YTHDC1: variants seen among roughly 807,000 people sequenced by gnomAD.
YTHDC1 encodes the protein YTH domain-containing protein 1.
Under a neutral mutation model 107.0 loss-of-function variants are expected in YTHDC1, and 12 were observed. That is an observed-to-expected ratio of 0.11 (90% CI 0.07 to 0.18). The LOEUF (loss-of-function observed/expected upper bound fraction) is 0.18, where lower values mean the gene tolerates loss of function less well. Among genes scored for constraint, YTHDC1 ranks in the 10% least tolerant of loss-of-function variants. YTHDC1 has a pLI of 1.00. For synonymous variants in YTHDC1, 280 were observed against 289.5 expected, an observed-to-expected ratio of 0.97 and a Z score of 0.33; for missense variants, 635 against 898.8, an observed-to-expected ratio of 0.71 and a Z score of 3.75.
At chr4:68,327,542 A>G (rs1426414557) in intron 9 of YTHDC1, among the ~76,000 whole-genome samples, 1 of 152,202 alleles carries the variant, frequency 6.6e-6, no homozygotes, top group East Asian at 1.9e-4. Flanking sequence ...TCTGCATTTT[A>G]ACAGTCAGAT....
In YTHDC1 at chr4:68,327,952, C is replaced by T. The variant is rs759512227; in HGVS notation, c.1349+2050G>A. 1.4e-4 allele frequency among the ~76,000 whole-genome samples: 22 copies of T among 152,074 alleles called. 1 individual carries two copies. The highest frequency in any genetic ancestry group is 2.6e-4 in the Non-Finnish European group (18 of 68,006). On this transcript the variant is annotated intron_variant, in intron 9 of 16. Coordinates refer to ENST00000344157, the MANE Select transcript of YTHDC1 (RefSeq NM_001031732.4). ...ATTTCTAGGTAAACCCATAAACTTA[C>T]TTTAAAATAATAAAAGCACTTTACT...
chr4:68,327,080 T>C (rs56283078), intron 9 of YTHDC1, among the ~76,000 whole-genome samples: 34,497 of 150,432 alleles, frequency 0.23, 4,565 homozygotes, highest in East Asian at 0.55. Context: ...CTACTAAAAA[T>C]AAAAAATTAG....
At chr4:68,318,476 G>A in intron 15 of YTHDC1, 43 bp downstream of exon 15, 1 of 1,527,280 alleles carries the variant, frequency 6.5e-7, no homozygotes, top group Non-Finnish European at 8.9e-7. Context: ...TACTAGAACT[G>A]CAAATTAAGT....
intron 4 of YTHDC1, among the ~76,000 whole-genome samples, chr4:68,335,436 T>C (rs1382747590): frequency 6.6e-6 from 1 of 152,138 alleles, no homozygotes; most frequent in Non-Finnish European, 1.5e-5. Flanking sequence ...AGATTTATTA[T>C]AAAACTACAG....
Position 68,314,156 on chromosome 4 carries a change from T to C in YTHDC1, c.2127A>G (p.Arg709=). ...CTCTGTCTCGATCACATAATCGCTCTCTTTCTCTTTCTCTATCACGTCCTC... is the reference window on the plus strand; with the variant it reads ...CTCTGTCTCGATCACATAATCGCTCCCTTTCTCTTTCTCTATCACGTCCTC... ...RDRGRDRERE[R]ERLCDRDRDR... is the part of the protein sequence containing the mutation. The change falls in exon 17 of 17, where the codon AGA becomes AGG. Residue 709 remains arginine, a synonymous_variant. Transcript: ENST00000344157. The C allele has an allele frequency of 6.2e-7, 1 of 1,613,880 alleles. No individual in the cohort carries two copies. Among genetic ancestry groups the C allele is most frequent in the Non-Finnish European group, 8.5e-7 (1 of 1,179,894 alleles).
At chr4:68,334,524 G>T (rs570315334) in intron 4 of YTHDC1, among the ~76,000 whole-genome samples, 73 of 152,214 alleles carry the variant, frequency 4.8e-4, no homozygotes, top group Non-Finnish European at 9.0e-4. Flanking sequence ...AAGTAGAAAG[G>T]ATGTTTTATA....
At position 68,330,097 on chromosome 4, in the gene YTHDC1, T is replaced by C. The variant is rs1723414037; in HGVS notation, c.1254A>G (p.Glu418=). 1 of 1,613,434 alleles carries C rather than the reference T, an allele frequency of 6.2e-7. No homozygotes were observed. The highest frequency in any genetic ancestry group is 8.5e-7 in the Non-Finnish European group (1 of 1,179,568). The change falls in exon 9 of 17, where the codon GAA becomes GAG. Residue 418 remains glutamate (E), a synonymous_variant. Coordinates refer to ENST00000344157, the MANE Select transcript of YTHDC1 (RefSeq NM_001031732.4). ...GTATAGGAGATCCTCCGTGATGTGA[T>C]TCTGAAGAAAGTCTTGCAAACCCTA... The part of the protein sequence containing the change: ...KFQGFARLSS[E]SHHGGSPIHW...
At chr4:68,331,790 A>G (rs192612747) in intron 7 of YTHDC1, among the ~76,000 whole-genome samples, 62 of 152,248 alleles carry the variant, frequency 4.1e-4, no homozygotes, top group African/African-American at 1.4e-3. Flanking sequence ...GTGTTAGCAC[A>G]ATAAATGAGC....
intron 1 of YTHDC1, among the ~76,000 whole-genome samples, chr4:68,345,582 T>A (rs1367213202): frequency 1.6e-5 from 1 of 61,576 alleles, no homozygotes; most frequent in South Asian, 8.8e-4. Context: ...GGATTTCCCA[T>A]CCAAAACCGC....
Position 68,318,705 on chromosome 4 carries a change from A to G in YTHDC1, c.1746T>C (p.Asp582=), listed in dbSNP as rs749805145. The change falls in exon 14 of 17, where the codon GAT becomes GAC. Residue 582 remains aspartate, a synonymous_variant. Transcript: ENST00000344157. The stretch of plus-strand genomic sequence containing the variant: ...AAATGCTTACCCCATTTAAAAACAC[A>G]TCTCGGCGAACTCCTGAAAATCGTC... ...VDRRFSGVRR[D]VFLNGSYNDY... is the part of the protein sequence containing the mutation. The G allele has an allele frequency of 1.2e-6, 2 of 1,614,106 alleles. No individual in the cohort carries two copies. Among genetic ancestry groups the G allele is most frequent in the Non-Finnish European group, 1.7e-6 (2 of 1,179,994 alleles).
intron 1 of YTHDC1, among the ~76,000 whole-genome samples, chr4:68,346,100 T>TATATATATATATATACAC (rs144743953): frequency 6.0e-5 from 8 of 134,134 alleles, no homozygotes; most frequent in Admixed American, 3.0e-4. Context: ...TATATATATA[T>TATATATATATATATACAC]ACACACACAC....
intron 1 of YTHDC1, among the ~76,000 whole-genome samples, chr4:68,349,505 A>T (rs1044623190): frequency 6.6e-6 from 1 of 151,640 alleles, no homozygotes; most frequent in African/African-American, 2.4e-5. Context: ...TCAAAGAAAA[A>T]CCCTACTGAG....
rs186920853 is a variant in YTHDC1, at chr4:68,337,583, C to T, written c.448G>A (p.Asp150Asn). 4.8e-4 allele frequency: 771 copies of T among 1,607,304 alleles called. 5 individuals are homozygous for T. The Admixed American group carries it at 8.6e-3, about 18-fold the overall frequency. ...ATAATATTTACTACCTCAGAACCAT[C>T]TGGCGTAGGAGATTTGGCCCTCCTT... is the stretch of plus-strand genomic sequence containing the variant. The part of the protein sequence containing the change: ...PERRAKSPTP[D>N]GSERIGLEVD... Residue 150 changes from aspartate to asparagine, a missense_variant, in exon 3 of 17, where the codon GAT (aspartate) becomes AAT (asparagine). Coordinates refer to ENST00000344157, the MANE Select transcript of YTHDC1 (RefSeq NM_001031732.4).
intron 1 of YTHDC1, among the ~76,000 whole-genome samples, chr4:68,343,031 G>C (rs1272749926): frequency 6.6e-6 from 1 of 151,816 alleles, no homozygotes; most frequent in African/African-American, 2.4e-5. Flanking sequence ...CCCAACCCAA[G>C]AATAACAACA....
chr4:68,331,091 TA>T (rs1184783211), intron 7 of YTHDC1, among the ~76,000 whole-genome samples: 1 of 152,166 alleles, frequency 6.6e-6, no homozygotes, highest in Non-Finnish European at 1.5e-5. Flanking sequence ...TATTTGCGTA[TA>T]ACCCATGCAT....
intron 1 of YTHDC1, among the ~76,000 whole-genome samples, chr4:68,346,986 A>T (rs1439463113): frequency 6.6e-6 from 1 of 152,202 alleles, no homozygotes; most frequent in Non-Finnish European, 1.5e-5. Flanking sequence ...ACTGTTGTAT[A>T]ACTTAAACTG....
At position 68,318,477 on chromosome 4, in the gene YTHDC1, C is replaced by CA. The variant is rs549925892; in HGVS notation, c.1824+41dup. 108 of 1,531,968 alleles carry CA rather than the reference C, an allele frequency of 7.0e-5. No individual in the cohort carries two copies. The African/African-American group carries it at 1.4e-3, about 19-fold the overall frequency. The allele number at this position is 1,531,968 out of a possible 1,614,324, so 94.9% of individuals were successfully genotyped here. A position where few individuals can be genotyped will look rare whatever the true frequency, so the allele number is the denominator to read the frequency against. On this transcript the variant is annotated intron_variant, in intron 15 of 16. Coordinates refer to ENST00000344157, the MANE Select transcript of YTHDC1 (RefSeq NM_001031732.4). ...GTAAGCACCTGAAATACTAGAACTG[C>CA]AAATTAAGTTATGTAACTTATAAAA...
chr4:68,348,166 C>T (rs764817171), intron 1 of YTHDC1, among the ~76,000 whole-genome samples: 4 of 152,124 alleles, frequency 2.6e-5, no homozygotes, highest in Admixed American at 6.5e-5. Flanking sequence ...TTAAAATCAT[C>T]TACTTTTCTT....
At chr4:68,329,863 T>C in intron 9 of YTHDC1, 139 bp downstream of exon 9, 6 of 610,930 alleles carry the variant, frequency 9.8e-6, no homozygotes, top group South Asian at 2.4e-5. Context: ...AATACGCCTT[T>C]GTTGTGTCCC....
Sources: gnomAD v4.1 joint callset for allele counts (sites outside exome capture counted in the v4.1 genomes callset) on GRCh38, gnomAD v4.1.1 for gene constraint, MANE v1.5 for transcripts, NCBI Gene and HGNC (gene_info 2026-07-23, HGNC 2026-07-21) for gene names.